HIPK1: variants seen among roughly 807,000 people sequenced by gnomAD.
HIPK1 encodes homeodomain interacting protein kinase 1, also known as homeodomain-interacting protein kinase 1.
Under a neutral mutation model 117.1 loss-of-function variants are expected in HIPK1, and 28 were observed. That is an observed-to-expected ratio of 0.24 (90% CI 0.18 to 0.33). The LOEUF is 0.33. HIPK1 is among the 10% of genes least tolerant of loss of function. The pLI is 1.00. For synonymous variants in HIPK1, 605 were observed against 562.5 expected (o/e 1.08, Z -1.07); for missense variants, 1,122 against 1,475.1 (o/e 0.76, Z 3.92).
At chr1:113,936,935 AT>A in intron 1 of HIPK1, among the ~76,000 whole-genome samples, 2 of 152,350 alleles carry the variant, frequency 1.3e-5, no homozygotes, top group East Asian at 3.9e-4. Flanking sequence ...TGGAAAACAA[AT>A]TTAGAAAATT....
At chr1:113,947,809 C>G (rs763614311) in intron 2 of HIPK1, among the ~76,000 whole-genome samples, 2 of 152,180 alleles carry the variant, frequency 1.3e-5, no homozygotes, top group Admixed American at 6.5e-5. Flanking sequence ...TTGCCATGTT[C>G]AAAGCACAAT....
At chr1:113,956,597 A>G in intron 5 of HIPK1, 30 bp from the exon 6 acceptor site, 2 of 1,565,386 alleles carry the variant, frequency 1.3e-6, no homozygotes, top group Non-Finnish European at 1.8e-6. Flanking sequence ...GGTTAAGTGA[A>G]GAAGTATAAT....
intron 2 of HIPK1, among the ~76,000 whole-genome samples, chr1:113,942,889 G>A (rs1180266561): frequency 6.6e-6 from 1 of 152,060 alleles, no homozygotes; most frequent in Admixed American, 6.6e-5. Context: ...ATCAAGAAGT[G>A]AAATAATAAA....
In HIPK1 at chr1:113,938,929, T is replaced by TAC. The variant is rs55979020; in HGVS notation, c.-2-1420_-2-1419dup. ...TGTCTCAAAAAAAAAAAAAAAAAAATACACACACACACACACACACACACA... is the reference window on the plus strand; with the variant it reads ...TGTCTCAAAAAAAAAAAAAAAAAAATACACACACACACACACACACACACACA... On this transcript the variant is annotated intron_variant, in intron 1 of 15. Transcript: ENST00000426820. 3.9e-3 allele frequency among the ~76,000 whole-genome samples: 456 copies of TAC among 115,476 alleles called. 4 individuals are homozygous for TAC. The highest frequency in any genetic ancestry group is 5.2e-3 in the Non-Finnish European group (307 of 59,402). 75.8% of individuals were successfully genotyped at this position (115,476 alleles called of 152,430 possible).
In HIPK1 at chr1:113,974,588, T is replaced by A. The variant is rs373574372; in HGVS notation, c.*1076T>A. 5.9e-4 allele frequency: 90 copies of A among 152,892 alleles called. No individual in the cohort carries two copies. The highest frequency in any genetic ancestry group is 2.0e-3 in the African/African-American group (84 of 41,588). 9.5% of individuals were successfully genotyped at this position (152,892 alleles called of 1,614,324 possible). A position where few individuals can be genotyped will look rare whatever the true frequency, so the allele number is the denominator to read the frequency against. On this transcript the variant is annotated 3_prime_UTR_variant, in exon 16 of 16. Coordinates refer to ENST00000426820, the MANE Select transcript of HIPK1 (RefSeq NM_198268.3). ...AAACCAGATAAGAACATTTCTTGTG[T>A]ATAGCTTTTATACTTCAAAGTAGCT...
intron 8 of HIPK1, among the ~76,000 whole-genome samples, chr1:113,961,834 C>T (rs1672131498): frequency 6.7e-6 from 1 of 148,430 alleles, no homozygotes; most frequent in African/African-American, 2.5e-5. Context: ...GTCGCAGCTA[C>T]TTGGGAGGCT....
chr1:113,936,257 C>T (rs986613338), intron 1 of HIPK1, among the ~76,000 whole-genome samples: 3 of 152,122 alleles, frequency 2.0e-5, no homozygotes, highest in African/African-American at 7.2e-5. Context: ...TGTCCTTTCC[C>T]CTTGGGTGAA....
At chr1:113,972,935 C>A in intron 15 of HIPK1, 89 bp from the exon 16 acceptor site, 2 of 1,418,228 alleles carry the variant, frequency 1.4e-6, no homozygotes, top group Non-Finnish European at 1.9e-6. Flanking sequence ...GAAAACAGTA[C>A]AAGTCAGAAC....
rs1223176615 is a variant in HIPK1, at chr1:113,977,458, G to T, written c.*3946G>T. ...AAATGTATTTGATATGCTAGTTATT[G>T]TGTGCGATTTAAACTTTTTTTGCTT... On this transcript the variant is annotated 3_prime_UTR_variant, in exon 16 of 16. Transcript: ENST00000426820. 6.5e-6 allele frequency: 1 copy of T among 152,686 alleles called. No individual in the cohort carries two copies. The highest frequency in any genetic ancestry group is 1.5e-5 in the Non-Finnish European group (1 of 68,020). The allele number at this position is 152,686 out of a possible 1,614,324, so 9.5% of individuals were successfully genotyped here. A position where few individuals can be genotyped will look rare whatever the true frequency, so the allele number is the denominator to read the frequency against.
chr1:113,958,249 C>G lies in HIPK1; in HGVS notation c.1939C>G (p.Pro647Ala), dbSNP rs768639287. The G allele has an allele frequency of 6.2e-7, 1 of 1,614,136 alleles. No individual in the cohort carries two copies. Among genetic ancestry groups the G allele is most frequent in the East Asian group, 2.2e-5 (1 of 44,872 alleles). The change falls in exon 8 of 16, where the codon CCA becomes GCA. Residue 647 changes from proline (P) to alanine (A), a missense_variant. This residue lies in a region of HIPK1 where 731 missense variants were observed against 860.4 expected (regional missense o/e 0.85). Coordinates refer to ENST00000426820, the MANE Select transcript of HIPK1 (RefSeq NM_198268.3). ...CACCCAGATTTGCACTCAGACAGAT[C>G]CATTCCAACAGACATTTATAGTATG... ...GTTQICTQTD[P>A]FQQTFIVCPP...
At chr1:113,958,389 CTGTCTCTGA>C (rs1671865908) in intron 8 of HIPK1, 98 bp downstream of exon 8, 1 of 805,772 alleles carries the variant, frequency 1.2e-6, no homozygotes, top group African/African-American at 1.7e-5. Flanking sequence ...AGTTTAAACT[CTGTCTCTGA>C]TGAAGAAGGT....
chr1:113,947,778 A>T (rs1431244731), intron 2 of HIPK1, among the ~76,000 whole-genome samples: 1 of 152,198 alleles, frequency 6.6e-6, no homozygotes, highest in African/African-American at 2.4e-5. Context: ...TAAGGATGGG[A>T]TGTGTCTTCA....
chr1:113,962,491 CA>C, intron 9 of HIPK1, 53 bp downstream of exon 9: 1 of 1,562,844 alleles, frequency 6.4e-7, no homozygotes, highest in South Asian at 1.2e-5. Context: ...TATTGAGATT[CA>C]GATATTTTGT....
Position 113,974,167 on chromosome 1 carries a change from G to A in HIPK1, c.*655G>A, listed in dbSNP as rs1298737781. 6.6e-6 allele frequency: 1 copy of A among 152,264 alleles called. No homozygotes were observed. Among genetic ancestry groups the A allele is most frequent in the East Asian group, 1.9e-4 (1 of 5,338 alleles). 9.4% of individuals were successfully genotyped at this position (152,264 alleles called of 1,614,324 possible). On this transcript the variant is annotated 3_prime_UTR_variant, in exon 16 of 16. Transcript: ENST00000426820. ...ACGTATTACTCTGTGTTACTATTGA[G>A]ATTCTCTCAATTGCTCCTGTGTTTG...
intron 14 of HIPK1, among the ~76,000 whole-genome samples, chr1:113,970,986 C>T (rs1467689103): frequency 1.3e-5 from 2 of 152,182 alleles, no homozygotes; most frequent in African/African-American, 4.8e-5. Flanking sequence ...CTTGTTAAGG[C>T]AGCTGCTTTT....
At chr1:113,952,372 G>A (rs1009971803) in intron 2 of HIPK1, among the ~76,000 whole-genome samples, 9 of 151,958 alleles carry the variant, frequency 5.9e-5, no homozygotes, top group African/African-American at 1.7e-4. Flanking sequence ...TTTTCTTTAA[G>A]TTTGGTATAA....
At chr1:113,958,469 A>G (rs994291300) in intron 8 of HIPK1, among the ~76,000 whole-genome samples, 178 bp downstream of exon 8, 1 of 152,228 alleles carries the variant, frequency 6.6e-6, no homozygotes, top group African/African-American at 2.4e-5. Context: ...TATTTATCTA[A>G]TTATGATGCT....
At chr1:113,951,076 C>A in intron 2 of HIPK1, 1 of 239,352 alleles carries the variant, frequency 4.2e-6, no homozygotes, top group Non-Finnish European at 6.8e-6. Context: ...CATAATAATA[C>A]TTTGATAGGA....
At chr1:113,953,326 C>T (rs1348876556) in intron 3 of HIPK1, among the ~76,000 whole-genome samples, 1 of 152,114 alleles carries the variant, frequency 6.6e-6, no homozygotes, top group Non-Finnish European at 1.5e-5. Flanking sequence ...GTCCCAGAAG[C>T]TGTGACATAC....
Sources: allele counts gnomAD v4.1 joint callset (sites outside exome capture counted in the v4.1 genomes callset), GRCh38; gene constraint gnomAD v4.1.1; regional missense constraint gnomAD v4.1.1; transcripts MANE v1.5; gene names NCBI Gene and HGNC (gene_info 2026-07-23, HGNC 2026-07-21).